Variants in STAG2 observed in about 807,000 individuals in gnomAD.
STAG2 encodes the protein STAG2 cohesin complex component, also known as cohesin subunit SA-2.
A neutral mutation model predicts 108.1 loss-of-function variants in STAG2; 14 were observed. That is an observed-to-expected ratio of 0.13 (90% CI 0.09 to 0.20). STAG2 has a LOEUF of 0.20. Ranked by LOEUF, STAG2 falls within the 10% of genes least tolerant of loss-of-function variation. The pLI, the probability that STAG2 is intolerant of heterozygous loss-of-function variation, is 1.00. For missense variants in STAG2, 440 were observed against 940.9 expected (o/e 0.47, Z 6.96); for synonymous variants, 307 against 302.7 (o/e 1.01, Z -0.15).
At chrX:124,067,095 G>C (rs1285344125) in intron 23 of STAG2, among the ~76,000 whole-genome samples, 2 of 111,228 alleles carry the variant, frequency 1.8e-5, no homozygotes, top group Admixed American at 9.6e-5. Context: ...GTGTTTGTAG[G>C]CATTTTCTTC....
intron 1 of STAG2, among the ~76,000 whole-genome samples, chrX:123,962,769 C>T (rs2053927379): frequency 9.0e-6 from 1 of 111,364 alleles, no homozygotes; most frequent in African/African-American, 3.3e-5. Context: ...GCAATGGTTC[C>T]TTAAAATGCG....
chrX:124,050,129 A>T lies in STAG2; in HGVS notation c.894-57A>T, dbSNP rs1331729793. 3.4e-6 allele frequency: 4 copies of T among 1,167,281 alleles called. No individual in the cohort carries two copies. The Admixed American group carries it at 9.3e-5, about 27-fold the overall frequency. On this transcript the variant is annotated intron_variant, in intron 10 of 34. Coordinates refer to ENST00000371145, the MANE Select transcript of STAG2 (RefSeq NM_001042750.2). Reference sequence around the variant, plus strand: ...GTACTTGGCATCTCTTGAATAAACCATAAGTTTTGTGGTATATTGGCACTA... The same window carrying T: ...GTACTTGGCATCTCTTGAATAAACCTTAAGTTTTGTGGTATATTGGCACTA...
chrX:124,040,105 T>C (rs917846204), intron 6 of STAG2, among the ~76,000 whole-genome samples: 3 of 112,201 alleles, frequency 2.7e-5, no homozygotes, highest in African/African-American at 9.7e-5. Context: ...AAAATTATTT[T>C]AATATAATTC....
At chrX:124,013,296 T>G (rs1295507701) in intron 1 of STAG2, among the ~76,000 whole-genome samples, 1 of 103,658 alleles carries the variant, frequency 9.6e-6, no homozygotes, top group East Asian at 3.0e-4. Flanking sequence ...AAGATGGAGA[T>G]GTATACACAT....
chrX:124,009,913 A>G (rs2056463030), intron 1 of STAG2, among the ~76,000 whole-genome samples: 1 of 111,316 alleles, frequency 9.0e-6, no homozygotes, highest in African/African-American at 3.3e-5. Context: ...TACCTTATTA[A>G]ACGGGAGACA....
At chrX:124,095,470 C>G in intron 34 of STAG2, 21 bp downstream of exon 34, 1 of 1,151,211 alleles carries the variant, frequency 8.7e-7, no homozygotes, top group South Asian at 1.8e-5. Context: ...TTTAAATGTA[C>G]CCTAGGATTG....
intron 14 of STAG2, among the ~76,000 whole-genome samples, chrX:124,056,930 G>T (rs186484722): frequency 1.6e-3 from 165 of 103,888 alleles, no homozygotes; most frequent in African/African-American, 5.4e-3. Context: ...TCTCTCTGTT[G>T]CCCAGGCTGG....
intron 15 of STAG2, among the ~76,000 whole-genome samples, chrX:124,058,780 G>T (rs963006312): frequency 8.9e-6 from 1 of 111,971 alleles, no homozygotes; most frequent in African/African-American, 3.2e-5. Context: ...ATGTTAGCCA[G>T]ATTTTGAGAG....
At chrX:124,046,876 A>G (rs773815061) in intron 8 of STAG2, among the ~76,000 whole-genome samples, 44 of 112,405 alleles carry the variant, frequency 3.9e-4, no homozygotes, top group Non-Finnish European at 1.7e-4. Context: ...TTCATAAAAT[A>G]TAATTTGATG....
chrX:124,000,700 T>C (rs1169197501), intron 1 of STAG2, among the ~76,000 whole-genome samples: 1 of 111,027 alleles, frequency 9.0e-6, no homozygotes, highest in Non-Finnish European at 1.9e-5. Flanking sequence ...AAAGAAAAAG[T>C]TAACTGTAAA....
At chrX:124,015,736 T>TA (rs1330917284) in intron 1 of STAG2, among the ~76,000 whole-genome samples, 1 of 112,294 alleles carries the variant, frequency 8.9e-6, no homozygotes, top group Non-Finnish European at 1.9e-5. Context: ...TGAAGGTAGA[T>TA]ATTTATGTCC....
intron 1 of STAG2, among the ~76,000 whole-genome samples, chrX:124,009,300 G>C (rs533241559): frequency 2.1e-4 from 23 of 109,925 alleles, no homozygotes; most frequent in African/African-American, 6.9e-4. Context: ...GAGTTGGTCT[G>C]TTTGGATGGC....
chrX:124,057,264 A>G (rs755462915), intron 14 of STAG2, among the ~76,000 whole-genome samples: 2 of 111,986 alleles, frequency 1.8e-5, no homozygotes, highest in Non-Finnish European at 3.8e-5. Flanking sequence ...CTTTTGAGCC[A>G]TATAGATTAA....
intron 14 of STAG2, among the ~76,000 whole-genome samples, chrX:124,056,711 C>G (rs972075674): frequency 2.5e-4 from 19 of 74,725 alleles, no homozygotes; most frequent in Non-Finnish European, 4.2e-4. Flanking sequence ...CCAGCCTGGG[C>G]GACAGAGCGA....
Position 124,073,031 on chromosome X carries a change from CA to C in STAG2, c.2533+1709del, listed in dbSNP as rs200879784. 1.4e-3 allele frequency among the ~76,000 whole-genome samples: 150 copies of C among 107,402 alleles called. 1 individual carries two copies. The East Asian group carries it at 0.039, about 28-fold the overall frequency. The allele number at this position is 107,402 out of a possible 115,157, so 93.3% of individuals were successfully genotyped here. ...AAGTACTGGGATTACAGGCATGAGC[CA>C]CTGCGCCCGGCCTATAGTGCAATTT... On this transcript the variant is annotated intron_variant, in intron 25 of 34. Transcript: ENST00000371145.
chrX:123,998,528 T>G (rs896754693), intron 1 of STAG2, among the ~76,000 whole-genome samples: 1 of 106,422 alleles, frequency 9.4e-6, no homozygotes, highest in African/African-American at 3.4e-5. Flanking sequence ...TTTCCACAGT[T>G]ACATCCCCAC....
chrX:124,013,236 C>G (rs1394482421), intron 1 of STAG2, among the ~76,000 whole-genome samples: 1 of 110,738 alleles, frequency 9.0e-6, no homozygotes, highest in Admixed American at 9.7e-5. Context: ...TTTGTTATGT[C>G]TTAACATTAC....
chrX:124,053,215 T>C (rs1377677215), intron 13 of STAG2, among the ~76,000 whole-genome samples: 1 of 112,303 alleles, frequency 8.9e-6, no homozygotes, highest in Non-Finnish European at 1.9e-5. Context: ...ACTTGGGTGG[T>C]ATGTTGAGAG....
intron 13 of STAG2, among the ~76,000 whole-genome samples, chrX:124,054,608 G>T (rs1384582702): frequency 9.0e-6 from 1 of 111,631 alleles, no homozygotes; most frequent in African/African-American, 3.3e-5. Flanking sequence ...TCTTCTTTCT[G>T]ATATTTTTAT....
Sources: gnomAD v4.1 joint callset for allele counts (sites outside exome capture counted in the v4.1 genomes callset) on GRCh38, gnomAD v4.1.1 for gene constraint, MANE v1.5 for transcripts, NCBI Gene and HGNC (gene_info 2026-07-23, HGNC 2026-07-21) for gene names.